Variants in ATP8B1 observed in about 807,000 individuals in gnomAD.
The protein encoded by ATP8B1 is ATPase phospholipid transporting 8B1.
In ATP8B1, 80 loss-of-function variants were observed where a neutral mutation model predicts 149.9. The observed-to-expected ratio is 0.53, with a 90% CI of 0.45 to 0.64. The LOEUF (loss-of-function observed/expected upper bound fraction) is 0.64. Among genes scored for constraint, ATP8B1 ranks in the 30% least tolerant of loss-of-function variants. The pLI, the probability that ATP8B1 is intolerant of heterozygous loss-of-function variation, is 0.00. For missense variants in ATP8B1, 1,247 were observed against 1,552.6 expected (o/e 0.80, Z 3.31); for synonymous variants, 536 against 562.8 (o/e 0.95, Z 0.67).
At chr18:57,786,447 C>G (rs1322317559) in intron 1 of ATP8B1, among the ~76,000 whole-genome samples, 1 of 152,178 alleles carries the variant, frequency 6.6e-6, no homozygotes, top group Non-Finnish European at 1.5e-5. Flanking sequence ...GGTCTTAACC[C>G]CAGAGCTTCT....
At chr18:57,756,210 TACACACACACACACACACACACACAC>T (rs573321061) in intron 1 of ATP8B1, among the ~76,000 whole-genome samples, 37 of 108,924 alleles carry the variant, frequency 3.4e-4, no homozygotes, top group African/African-American at 4.8e-4. Context: ...TATATATATA[TACACACACACACACACACACACACAC>T]ATATATACAC....
At chr18:57,781,484 A>G (rs1251161700) in intron 1 of ATP8B1, among the ~76,000 whole-genome samples, 1 of 152,190 alleles carries the variant, frequency 6.6e-6, no homozygotes, top group Non-Finnish European at 1.5e-5. Context: ...AGAGCTCAGA[A>G]AGATTAGGGG....
chr18:57,672,274 G>A (rs1911253232), intron 16 of ATP8B1, among the ~76,000 whole-genome samples: 1 of 151,942 alleles, frequency 6.6e-6, no homozygotes, highest in Admixed American at 6.6e-5. Context: ...TTAATACTTC[G>A]ACCACAACAC....
At chr18:57,747,356 G>C (rs1236329040) in intron 1 of ATP8B1, among the ~76,000 whole-genome samples, 2 of 151,910 alleles carry the variant, frequency 1.3e-5, no homozygotes, top group East Asian at 3.9e-4. Context: ...GGGAGGCTAA[G>C]GCAGGAGAAT....
At chr18:57,670,905 C>T (rs1162669549) in intron 17 of ATP8B1, among the ~76,000 whole-genome samples, 1 of 152,040 alleles carries the variant, frequency 6.6e-6, no homozygotes, top group Non-Finnish European at 1.5e-5. Context: ...GACGGGGTTT[C>T]ACCACGTTGG....
intron 1 of ATP8B1, among the ~76,000 whole-genome samples, chr18:57,789,446 C>T (rs530137532): frequency 6.6e-6 from 1 of 152,284 alleles, no homozygotes; most frequent in Admixed American, 6.5e-5. Context: ...CACCACGGGA[C>T]TAAGTGGGTC....
chr18:57,802,593 G>C lies in ATP8B1; in HGVS notation c.-26+405C>G, dbSNP rs1490202068. On this transcript the variant is annotated intron_variant, in intron 1 of 27. Transcript: ENST00000648908. The surrounding 1 kb of genome is among the most constrained non-coding windows in gnomAD (Gnocchi z 4.9). ...CGCCCCAGCAGGACCCGGTCACCGG[G>C]GTCTTCCAGAGGGGCGGTAGCCACC... 6.6e-6 allele frequency among the ~76,000 whole-genome samples: 1 copy of C among 152,238 alleles called. No individual in the cohort carries two copies. Among genetic ancestry groups the C allele is most frequent in the Non-Finnish European group, 1.5e-5 (1 of 68,036 alleles).
At chr18:57,761,857 G>A (rs2123330993) in intron 1 of ATP8B1, among the ~76,000 whole-genome samples, 1 of 147,550 alleles carries the variant, frequency 6.8e-6, no homozygotes, top group African/African-American at 2.5e-5. Flanking sequence ...GGCTGAGGCA[G>A]GAAAATCACT....
At chr18:57,703,602 A>G (rs1377527015) in intron 4 of ATP8B1, among the ~76,000 whole-genome samples, 1 of 151,866 alleles carries the variant, frequency 6.6e-6, no homozygotes, top group Non-Finnish European at 1.5e-5. Flanking sequence ...AAGAATCTGA[A>G]AAAACCAGGT....
chr18:57,648,529 C>T lies in ATP8B1; in HGVS notation c.3715G>A (p.Ala1239Thr). The stretch of plus-strand genomic sequence containing the variant: ...CGCCTGTACTCCGCGGTGCCATCCG[C>T]CACGATGGCATCAAGCGGCGAGCGC... Reference protein sequence around the residue: ...KKRSPLDAIVADGTAEYRRTG... With the variant: ...KKRSPLDAIVTDGTAEYRRTG... Residue 1239 changes from alanine (A) to threonine (T), a missense_variant, in exon 28 of 28, where the codon GCG becomes ACG. This residue lies in a region of ATP8B1 where 164 missense variants were observed against 160.3 expected (regional missense o/e 1.02). Coordinates refer to ENST00000648908, the MANE Select transcript of ATP8B1 (RefSeq NM_001374385.1). 6.2e-7 allele frequency: 1 copy of T among 1,611,516 alleles called. No homozygotes were observed. Among genetic ancestry groups the T allele is most frequent in the Non-Finnish European group, 8.5e-7 (1 of 1,179,986 alleles).
chr18:57,650,315 C>T (rs370870829), intron 27 of ATP8B1, 52 bp downstream of exon 27: 20 of 1,600,190 alleles, frequency 1.2e-5, no homozygotes, highest in East Asian at 4.5e-5. Context: ...TGTTGGGAAA[C>T]GCTTTGGTTT....
At chr18:57,776,465 G>A (rs1187802197) in intron 1 of ATP8B1, among the ~76,000 whole-genome samples, 1 of 152,218 alleles carries the variant, frequency 6.6e-6, no homozygotes, top group Non-Finnish European at 1.5e-5. Flanking sequence ...AAGTGACGGA[G>A]GTCTCAGGGC....
chr18:57,670,505 C>G lies in ATP8B1; in HGVS notation c.1932+963G>C, dbSNP rs866737423. On this transcript the variant is annotated intron_variant, in intron 17 of 27. Transcript: ENST00000648908. ...TAGCTGGGATTACAGGCGGGTGCCA[C>G]TGCATCTGGCTAATCTTTGTATTTT... Among the ~76,000 whole-genome samples, 4 of 151,760 alleles carry G rather than the reference C, an allele frequency of 2.6e-5. 1 individual carries two copies. In the Middle Eastern group the frequency reaches 0.014, roughly 523 times the overall value.
intron 1 of ATP8B1, among the ~76,000 whole-genome samples, chr18:57,775,133 G>C (rs2080295508): frequency 6.6e-6 from 1 of 152,106 alleles, no homozygotes; most frequent in African/African-American, 2.4e-5. Context: ...TGGGCAACAT[G>C]GTGAAACCCC....
intron 15 of ATP8B1, among the ~76,000 whole-genome samples, chr18:57,680,745 A>G (rs1268513278): frequency 6.6e-6 from 1 of 151,780 alleles, no homozygotes; most frequent in Non-Finnish European, 1.5e-5. Context: ...TATCCTTCCC[A>G]AAGACCCCAT....
chr18:57,752,966 T>C (rs1485556305), intron 1 of ATP8B1, among the ~76,000 whole-genome samples: 1 of 152,198 alleles, frequency 6.6e-6, no homozygotes, highest in African/African-American at 2.4e-5. Context: ...TCTTAGCATT[T>C]GAATCCAAAT....
rs1346075432 is a variant in ATP8B1, at chr18:57,697,619, C to T, written c.697G>A (p.Gly233Arg). 7 of 1,613,760 alleles carry T rather than the reference C, an allele frequency of 4.3e-6. No individual in the cohort carries two copies. The highest frequency in any genetic ancestry group is 1.3e-5 in the African/African-American group (1 of 74,862). ...LCYVETAELD[G>R]ETNLKFKMSL... ...TCAGGCCCATCGAGACACACTTACC[C>T]ATCCAGTTCTGCTGTTTCCACATAG... is the stretch of plus-strand genomic sequence containing the variant. The change falls in exon 8 of 28, where the codon GGA becomes AGA. Residue 233 changes from glycine to arginine, a missense_variant and splice_region_variant. Gly to Arg is a moderately radical substitution (Grantham distance 125). Around this residue, in one of 3 missense-constraint regions of ATP8B1, gnomAD observed 853 missense variants for 1,035.7 expected, o/e 0.82. Transcript: ENST00000648908.
At chr18:57,747,682 T>C (rs528672053) in intron 1 of ATP8B1, among the ~76,000 whole-genome samples, 2 of 152,296 alleles carry the variant, frequency 1.3e-5, no homozygotes, top group East Asian at 3.9e-4. Flanking sequence ...TTAGGGCACT[T>C]ACTTGGTATC....
intron 21 of ATP8B1, among the ~76,000 whole-genome samples, chr18:57,661,948 G>A (rs1479818955): frequency 3.3e-5 from 5 of 152,010 alleles, no homozygotes; most frequent in Non-Finnish European, 5.9e-5. Context: ...TCCATCTCCT[G>A]ACCTTGTGAT....
Sources: allele counts gnomAD v4.1 joint callset (sites outside exome capture counted in the v4.1 genomes callset), GRCh38; gene constraint gnomAD v4.1.1; regional missense constraint gnomAD v4.1.1; non-coding constraint Gnocchi (gnomAD v3.1); transcripts MANE v1.5; gene names NCBI Gene and HGNC (gene_info 2026-07-23, HGNC 2026-07-21).